Variants in HP1BP3 observed in about 807,000 individuals in gnomAD.
HP1BP3 encodes the protein heterochromatin protein 1 binding protein 3.
A neutral mutation model predicts 62.5 loss-of-function variants in HP1BP3; 12 were observed. That is an observed-to-expected ratio of 0.19 (90% CI 0.12 to 0.31). The LOEUF (loss-of-function observed/expected upper bound fraction) is 0.31. Among genes scored for constraint, HP1BP3 ranks in the 10% least tolerant of loss-of-function variants. The pLI is 1.00. For synonymous variants in HP1BP3, 260 were observed against 237.8 expected (o/e 1.09, Z -0.86); for missense variants, 502 against 651.8 (o/e 0.77, Z 2.50).
chr1:20,781,290 A>C (rs886992893), intron 1 of HP1BP3, among the ~76,000 whole-genome samples: 12 of 152,354 alleles, frequency 7.9e-5, no homozygotes, highest in African/African-American at 2.6e-4. Context: ...AGACCACTTA[A>C]GTATCTAGAT....
At chr1:20,745,240 A>C in intron 12 of HP1BP3, 149 bp from the exon 13 acceptor site, 1 of 923,736 alleles carries the variant, frequency 1.1e-6, no homozygotes, top group Non-Finnish European at 1.6e-6. Context: ...TAGAGATTTT[A>C]CTAAAATTGT....
chr1:20,779,039 C>G (rs2057426830), intron 3 of HP1BP3, among the ~76,000 whole-genome samples: 1 of 152,118 alleles, frequency 6.6e-6, no homozygotes, highest in South Asian at 2.1e-4. Flanking sequence ...ATCTGCCCTC[C>G]TTGGCCTCCC....
At position 20,741,262 on chromosome 1, in the gene HP1BP3, G is replaced by A. The variant is rs936690633; in HGVS notation, c.*3535C>T. Among the ~76,000 whole-genome samples, 4 of 152,140 alleles carry A rather than the reference G, an allele frequency of 2.6e-5. No homozygotes were observed. Among genetic ancestry groups the A allele is most frequent in the Admixed American group, 2.6e-4 (4 of 15,274 alleles). ...TTAAATGCAGTATTTAATGAACATG[G>A]CTGGTGAGTTTCGTTCTCATGACGT... On this transcript the variant is annotated 3_prime_UTR_variant, in exon 13 of 13. Transcript: ENST00000438032.
At chr1:20,786,300 C>G (rs1216420135) in intron 1 of HP1BP3, 1 of 152,244 alleles carries the variant, frequency 6.6e-6, no homozygotes, top group Non-Finnish European at 1.5e-5. Flanking sequence ...TGGCGAGTAA[C>G]CAGTTCTACG....
intron 8 of HP1BP3, among the ~76,000 whole-genome samples, chr1:20,758,122 G>A (rs111354163): frequency 1.3e-5 from 2 of 151,982 alleles, no homozygotes; most frequent in African/African-American, 4.8e-5. Flanking sequence ...ATCCAACCTA[G>A]GCAACGGAGC....
intron 1 of HP1BP3, among the ~76,000 whole-genome samples, chr1:20,783,238 G>C (rs976400981): frequency 2.6e-5 from 4 of 152,156 alleles, no homozygotes; most frequent in Non-Finnish European, 5.9e-5. Flanking sequence ...AGAGACGTTA[G>C]GGCTGGGTAC....
At chr1:20,749,553 G>T (rs1050231062) in intron 10 of HP1BP3, among the ~76,000 whole-genome samples, 170 bp downstream of exon 10, 1 of 151,800 alleles carries the variant, frequency 6.6e-6, no homozygotes, top group Non-Finnish European at 1.5e-5. Context: ...TAGAGATGGG[G>T]TTTCACTATG....
At chr1:20,755,888 A>G (rs1331855234) in intron 9 of HP1BP3, among the ~76,000 whole-genome samples, 1 of 152,218 alleles carries the variant, frequency 6.6e-6, no homozygotes, top group Non-Finnish European at 1.5e-5. Flanking sequence ...GCCAGACACA[A>G]AAGATCATAT....
chr1:20,775,988 T>G, intron 4 of HP1BP3: 1 of 1,477,106 alleles, frequency 6.8e-7, no homozygotes, highest in South Asian at 1.4e-5. Flanking sequence ...AAGAGTGGAA[T>G]GAATACTATC....
chr1:20,771,958 G>A (rs2154541032), intron 5 of HP1BP3, among the ~76,000 whole-genome samples: 1 of 152,268 alleles, frequency 6.6e-6, no homozygotes, highest in East Asian at 1.9e-4. Flanking sequence ...ATAACTCACA[G>A]GTAGATGGTC....
At chr1:20,751,801 G>A (rs1050908513) in intron 9 of HP1BP3, among the ~76,000 whole-genome samples, 8 of 151,070 alleles carry the variant, frequency 5.3e-5, no homozygotes, top group Non-Finnish European at 1.2e-4. Flanking sequence ...AAAATGAAAG[G>A]TGTGGTAACA....
chr1:20,755,548 C>CTGGGTGACAGAGAG (rs2056052170), intron 9 of HP1BP3: 1 of 257,464 alleles, frequency 3.9e-6, no homozygotes, highest in African/African-American at 2.2e-5. Flanking sequence ...GCACTCTAGC[C>CTGGGTGACAGAGAG]TGGGTGACAG....
chr1:20,783,894 T>C (rs762542506), intron 1 of HP1BP3, among the ~76,000 whole-genome samples: 4 of 152,186 alleles, frequency 2.6e-5, no homozygotes, highest in Non-Finnish European at 4.4e-5. Flanking sequence ...GTTGGGTTAA[T>C]TGGCTATTTA....
intron 1 of HP1BP3, among the ~76,000 whole-genome samples, chr1:20,784,274 G>T (rs1462749021): frequency 1.3e-5 from 2 of 151,930 alleles, no homozygotes; most frequent in Non-Finnish European, 1.5e-5. Context: ...CTGACCCAGT[G>T]TACCTATTAA....
rs1364260978 is a variant in HP1BP3 at position 20,741,440 on chromosome 1, T to C, written c.*3357A>G. Among the ~76,000 whole-genome samples, 1 of 152,220 alleles carries C rather than the reference T, an allele frequency of 6.6e-6. No homozygotes were observed. ...TGAAAAAACAAATGTCAAAAGGTGTTAGCAGATTGTTTAGTTTTGTTTTCA... is the reference window on the plus strand; with the variant it reads ...TGAAAAAACAAATGTCAAAAGGTGTCAGCAGATTGTTTAGTTTTGTTTTCA... On this transcript the variant is annotated 3_prime_UTR_variant, in exon 13 of 13. Transcript: ENST00000438032.
At chr1:20,751,546 G>C (rs895794492) in intron 9 of HP1BP3, among the ~76,000 whole-genome samples, 2 of 151,914 alleles carry the variant, frequency 1.3e-5, no homozygotes, top group Non-Finnish European at 2.9e-5. Context: ...GCAACATAGT[G>C]AGACTCTCTC....
chr1:20,745,171 G>A (rs1007739303), intron 12 of HP1BP3, 80 bp from the exon 13 acceptor site: 43 of 1,470,330 alleles, frequency 2.9e-5, no homozygotes, highest in Middle Eastern at 2.6e-4. Context: ...GCTTTCTAAA[G>A]AGAAACGGCA....
At chr1:20,748,223 G>C (rs2055464874) in intron 10 of HP1BP3, among the ~76,000 whole-genome samples, 1 of 152,198 alleles carries the variant, frequency 6.6e-6, no homozygotes, top group Admixed American at 6.5e-5. Flanking sequence ...TATAGGTATT[G>C]ATAATCATCT....
chr1:20,757,330 G>A (rs1183777654), intron 8 of HP1BP3, 74 bp from the exon 9 acceptor site: 12 of 824,266 alleles, frequency 1.5e-5, no homozygotes, highest in Non-Finnish European at 2.3e-5. Flanking sequence ...TAGATACAGG[G>A]TTATTCCCAG....
Sources: gnomAD v4.1 joint callset for allele counts (sites outside exome capture counted in the v4.1 genomes callset) on GRCh38, gnomAD v4.1.1 for gene constraint, MANE v1.5 for transcripts, NCBI Gene and HGNC (gene_info 2026-07-23, HGNC 2026-07-21) for gene names.